The following WDR7 variants were observed in gnomAD, a reference collection of about 807,000 sequenced individuals.
WDR7 encodes the protein WD repeat domain 7, also known as WD repeat-containing protein 7.
WDR7 carries 46 observed loss-of-function variants against 169.4 expected under a neutral mutation model. The ratio of observed to expected loss-of-function variants is 0.27; its 90% CI spans 0.21 to 0.35. The LOEUF is 0.35. WDR7 is among the 10% of genes least tolerant of loss of function. The pLI, the probability that WDR7 is intolerant of heterozygous loss-of-function variation, is 1.00. For missense variants in WDR7, 1,534 were observed against 1,859.3 expected, an observed-to-expected ratio of 0.83 and a Z score of 3.22; for synonymous variants, 612 against 666.8, an observed-to-expected ratio of 0.92 and a Z score of 1.27.
intron 26 of WDR7, among the ~76,000 whole-genome samples, chr18:56,981,660 G>C (rs1568298386): frequency 6.6e-6 from 1 of 152,154 alleles, no homozygotes; most frequent in South Asian, 2.1e-4. Flanking sequence ...TGGAAGAAAT[G>C]CTGCCAAAAG....
chr18:56,985,973 T>C (rs1325120910), intron 26 of WDR7, among the ~76,000 whole-genome samples: 8 of 152,190 alleles, frequency 5.3e-5, no homozygotes, highest in African/African-American at 1.9e-4. Flanking sequence ...TGGACATTTT[T>C]ATAGGAAAGA....
chr18:56,905,850 C>T lies in WDR7; in HGVS notation c.3527-18072C>T, dbSNP rs189748342. On this transcript the variant is annotated intron_variant, in intron 21 of 27. Coordinates refer to ENST00000254442, the MANE Select transcript of WDR7 (RefSeq NM_015285.3). ...TCATTGAAGAGTTCAAAGTGGTACT[C>T]GGGGAAAAAAAATCACATAAACCTC... Among the ~76,000 whole-genome samples the T allele has an allele frequency of 1.4e-4, 21 of 151,840 alleles. No individual in the cohort carries two copies. The East Asian group carries it at 2.1e-3, about 15-fold the overall frequency.
At chr18:56,818,111 G>GT in intron 20 of WDR7, among the ~76,000 whole-genome samples, 1 of 152,236 alleles carries the variant, frequency 6.6e-6, no homozygotes, top group East Asian at 1.9e-4. Flanking sequence ...TCATATGTAT[G>GT]TTTTTTGTTA....
At chr18:57,003,612 T>C (rs1352637609) in intron 26 of WDR7, among the ~76,000 whole-genome samples, 1 of 152,128 alleles carries the variant, frequency 6.6e-6, no homozygotes, top group Non-Finnish European at 1.5e-5. Flanking sequence ...TAGTATTAAA[T>C]AGCTGTCTTT....
In WDR7 at chr18:56,686,872, T is replaced by C; in HGVS notation, c.615T>C (p.Phe205=). Residue 205 remains phenylalanine, a synonymous_variant, in exon 7 of 28, where the codon TTT becomes TTC. Coordinates refer to ENST00000254442, the MANE Select transcript of WDR7 (RefSeq NM_015285.3). ...CTTTTCAGGATACTGAGCCAATATT[T>C]GAGGAGGAATCCAAACCAATTTATT... The part of the protein sequence containing the change: ...ISDMQDTEPI[F]EEESKPIYCQ... 6.2e-7 allele frequency: 1 copy of C among 1,603,174 alleles called. No individual in the cohort carries two copies. The highest frequency in any genetic ancestry group is 1.3e-5 in the African/African-American group (1 of 74,926).
intron 20 of WDR7, among the ~76,000 whole-genome samples, chr18:56,827,081 G>A (rs2045218900): frequency 6.6e-6 from 1 of 152,160 alleles, no homozygotes; most frequent in Admixed American, 6.5e-5. Context: ...TTGCGGAGGT[G>A]GAGAGACATG....
intron 1 of WDR7, among the ~76,000 whole-genome samples, chr18:56,661,227 G>A (rs1199493164): frequency 1.3e-5 from 2 of 152,066 alleles, no homozygotes; most frequent in Non-Finnish European, 2.9e-5. Flanking sequence ...GTGGGTGGCA[G>A]GAGAAAGTCG....
At chr18:57,004,640 A>T (rs1156364885) in intron 26 of WDR7, among the ~76,000 whole-genome samples, 2 of 152,198 alleles carry the variant, frequency 1.3e-5, no homozygotes, top group African/African-American at 4.8e-5. Context: ...CATTTTAAAA[A>T]TTACCACATT....
intron 14 of WDR7, among the ~76,000 whole-genome samples, chr18:56,733,959 G>A (rs1439569731): frequency 6.6e-6 from 1 of 152,110 alleles, no homozygotes; most frequent in African/African-American, 2.4e-5. Flanking sequence ...ATTGGATGAT[G>A]TGGAACAGAA....
At chr18:56,741,928 C>T (rs1053558060) in intron 14 of WDR7, among the ~76,000 whole-genome samples, 2 of 152,116 alleles carry the variant, frequency 1.3e-5, no homozygotes, top group African/African-American at 2.4e-5. Flanking sequence ...AACAGAACAA[C>T]TCTTCCTGAA....
chr18:57,031,431 A>G (rs867161986), downstream of WDR7: 1 of 152,250 alleles, frequency 6.6e-6, no homozygotes, highest in Non-Finnish European at 1.5e-5. Flanking sequence ...TCAAGTGGAT[A>G]TAGATTCTTT....
intron 20 of WDR7, among the ~76,000 whole-genome samples, chr18:56,864,088 T>C (rs1035899700): frequency 1.3e-5 from 2 of 151,874 alleles, no homozygotes; most frequent in African/African-American, 4.8e-5. Flanking sequence ...TTTTACTTGC[T>C]CATATCTTAG....
intron 14 of WDR7, among the ~76,000 whole-genome samples, chr18:56,734,766 C>T (rs2026663843): frequency 6.6e-6 from 1 of 151,642 alleles, no homozygotes; most frequent in Non-Finnish European, 1.5e-5. Flanking sequence ...ATTTTTTGTT[C>T]TTTATATTTG....
chr18:56,884,326 T>C (rs1421891464), intron 21 of WDR7, among the ~76,000 whole-genome samples: 1 of 152,220 alleles, frequency 6.6e-6, no homozygotes. Flanking sequence ...TGTCTATTCA[T>C]GTCCTTAGCC....
At chr18:56,804,446 A>G (rs549222483) in intron 19 of WDR7, among the ~76,000 whole-genome samples, 43 of 152,362 alleles carry the variant, frequency 2.8e-4, no homozygotes, top group Non-Finnish European at 5.0e-4. Flanking sequence ...TTTGAGAAAC[A>G]TAAAAAACGT....
intron 12 of WDR7, among the ~76,000 whole-genome samples, chr18:56,706,416 A>G (rs2025955999): frequency 6.6e-6 from 1 of 152,218 alleles, no homozygotes; most frequent in South Asian, 2.1e-4. Context: ...CTTTAGAACC[A>G]AACAGACCTG....
chr18:56,815,950 T>C (rs572943787), intron 19 of WDR7, 81 bp from the exon 20 acceptor site: 2 of 1,172,066 alleles, frequency 1.7e-6, no homozygotes, highest in South Asian at 3.2e-5. Context: ...GTCCATTAAG[T>C]AAATTAAAAA....
chr18:56,661,293 A>G (rs956171668), intron 1 of WDR7, among the ~76,000 whole-genome samples: 1 of 152,130 alleles, frequency 6.6e-6, no homozygotes, highest in Non-Finnish European at 1.5e-5. Flanking sequence ...GGTGGGCATA[A>G]TGGGCTTTTA....
At chr18:56,977,980 A>C (rs1477559598) in intron 26 of WDR7, among the ~76,000 whole-genome samples, 3 of 152,236 alleles carry the variant, frequency 2.0e-5, no homozygotes, top group African/African-American at 7.2e-5. Flanking sequence ...GCAGTAACTC[A>C]CACAGATTTA....
Sources: gnomAD v4.1 joint callset for allele counts (sites outside exome capture counted in the v4.1 genomes callset) on GRCh38, gnomAD v4.1.1 for gene constraint, MANE v1.5 for transcripts, NCBI Gene and HGNC (gene_info 2026-07-23, HGNC 2026-07-21) for gene names.